Variants in SYK observed in about 807,000 individuals in gnomAD.
The protein encoded by SYK is tyrosine-protein kinase SYK.
Under a neutral mutation model 77.8 loss-of-function variants are expected in SYK, and 16 were observed. The observed-to-expected ratio is 0.21, with a 90% CI of 0.14 to 0.31. The LOEUF is 0.31. SYK is among the 10% of genes least tolerant of loss of function. The pLI is 1.00. For synonymous variants in SYK, 312 were observed against 308.7 expected (o/e 1.01, Z -0.11); for missense variants, 529 against 814.4 (o/e 0.65, Z 4.26).
chr9:90,860,747 G>A (rs1323379012), intron 3 of SYK, among the ~76,000 whole-genome samples: 1 of 152,092 alleles, frequency 6.6e-6, no homozygotes, highest in Admixed American at 6.5e-5. Flanking sequence ...TCAAGTCTTG[G>A]GTTAGCTTTT....
At chr9:90,867,034 C>A in intron 6 of SYK, 97 bp from the exon 7 acceptor site, 2 of 1,359,982 alleles carry the variant, frequency 1.5e-6, no homozygotes, top group Non-Finnish European at 1.0e-6. Flanking sequence ...GTTAGTGGTG[C>A]GATTATAGAA....
At position 90,881,753 on chromosome 9, in the gene SYK, A is replaced by G. The variant is rs72729077; in HGVS notation, c.1581+2800A>G. On this transcript the variant is annotated intron_variant, in intron 11 of 13. Coordinates refer to ENST00000375754, the MANE Select transcript of SYK (RefSeq NM_003177.7). Reference sequence around the variant, plus strand: ...GCTGTGGAAGCAAACGAACGCTGGCACTCGGGAAACCATGCGTGACAGGGT... The same window carrying G: ...GCTGTGGAAGCAAACGAACGCTGGCGCTCGGGAAACCATGCGTGACAGGGT... 6.1e-3 allele frequency among the ~76,000 whole-genome samples: 927 copies of G among 152,032 alleles called. 10 individuals are homozygous for G. Among genetic ancestry groups the G allele is most frequent in the East Asian group, 0.041 (212 of 5,168 alleles).
Position 90,801,828 on chromosome 9 carries a change from G to A in SYK, c.-107G>A, listed in dbSNP as rs938729252. ...CCCGGCGGCTGAGGCCACCCCGGCG[G>A]CGGCTGGAGAGCGAGGAGGAGCGGG... On this transcript the variant is annotated 5_prime_UTR_variant, in exon 1 of 14. Coordinates refer to ENST00000375754, the MANE Select transcript of SYK (RefSeq NM_003177.7). 2.8e-4 allele frequency: 42 copies of A among 152,398 alleles called. No homozygotes were observed. Among genetic ancestry groups the A allele is most frequent in the African/African-American group, 1.0e-3 (42 of 41,472 alleles). 9.4% of individuals were successfully genotyped at this position (152,398 alleles called of 1,614,324 possible).
chr9:90,858,665 A>G (rs1028620027), intron 3 of SYK, among the ~76,000 whole-genome samples: 1 of 152,350 alleles, frequency 6.6e-6, no homozygotes, highest in Admixed American at 6.5e-5. Context: ...TTTGTCTCCT[A>G]TGTTTAATTA....
chr9:90,871,861 T>C (rs1448289619), intron 7 of SYK, among the ~76,000 whole-genome samples: 1 of 152,178 alleles, frequency 6.6e-6, no homozygotes, highest in Non-Finnish European at 1.5e-5. Flanking sequence ...TAGTGGTCTG[T>C]GTTGGGCAGC....
intron 11 of SYK, among the ~76,000 whole-genome samples, chr9:90,879,770 G>A (rs1185801998): frequency 1.3e-5 from 2 of 152,174 alleles, no homozygotes; most frequent in Admixed American, 1.3e-4. Flanking sequence ...ATTAAGGGTG[G>A]ACTTCCAGCA....
At chr9:90,845,957 A>G (rs1398735957) in intron 3 of SYK, among the ~76,000 whole-genome samples, 1 of 152,204 alleles carries the variant, frequency 6.6e-6, no homozygotes, top group African/African-American at 2.4e-5. Context: ...TTTTACTCAA[A>G]CTACCCCCTT....
chr9:90,806,858 A>G (rs1824858356), intron 1 of SYK, among the ~76,000 whole-genome samples: 1 of 152,138 alleles, frequency 6.6e-6, no homozygotes, highest in African/African-American at 2.4e-5. Context: ...TGTATTATAT[A>G]CGACACCAAC....
At chr9:90,845,706 A>G (rs1052068957) in intron 3 of SYK, 112 bp downstream of exon 3, 1 of 1,290,646 alleles carries the variant, frequency 7.7e-7, no homozygotes, top group Non-Finnish European at 1.1e-6. Context: ...GAGGCCATGC[A>G]TTGCCATTTG....
intron 1 of SYK, among the ~76,000 whole-genome samples, chr9:90,827,122 G>A (rs923746553): frequency 1.3e-5 from 2 of 151,662 alleles, no homozygotes; most frequent in African/African-American, 4.8e-5. Context: ...GGAAAACCTC[G>A]CTATACCCAT....
chr9:90,883,527 G>C (rs924468476), intron 11 of SYK, among the ~76,000 whole-genome samples: 1 of 152,160 alleles, frequency 6.6e-6, no homozygotes, highest in Admixed American at 6.5e-5. Context: ...TGCACCTATT[G>C]AGAGTGGCCC....
intron 13 of SYK, 113 bp downstream of exon 13, chr9:90,888,740 C>A: frequency 2.4e-6 from 2 of 823,640 alleles, no homozygotes; most frequent in African/African-American, 1.8e-5. Context: ...GGAATGTGCC[C>A]GCTTTCTAAA....
chr9:90,843,672 A>G (rs1826459024), intron 1 of SYK, among the ~76,000 whole-genome samples, 186 bp from the exon 2 acceptor site: 2 of 152,232 alleles, frequency 1.3e-5, no homozygotes, highest in Non-Finnish European at 2.9e-5. Context: ...GTTAGAAGGC[A>G]TGCTGAAAAC....
chr9:90,839,459 G>T (rs937208847), intron 1 of SYK, among the ~76,000 whole-genome samples: 1 of 152,060 alleles, frequency 6.6e-6, no homozygotes, highest in South Asian at 2.1e-4. Flanking sequence ...TGTCCCTGGC[G>T]TGTGCCTGGA....
intron 1 of SYK, among the ~76,000 whole-genome samples, chr9:90,822,066 G>T (rs1243986709): frequency 6.6e-6 from 1 of 152,204 alleles, no homozygotes; most frequent in Non-Finnish European, 1.5e-5. Context: ...TAACCCCTGA[G>T]AAGCGATGGG....
chr9:90,822,762 A>G (rs1236196590), intron 1 of SYK, among the ~76,000 whole-genome samples: 2 of 152,210 alleles, frequency 1.3e-5, no homozygotes, highest in Non-Finnish European at 2.9e-5. Context: ...AGCTTCAAGC[A>G]TTGCCTTCAG....
In SYK at chr9:90,862,314, C is replaced by G. The variant is rs199938327; in HGVS notation, c.687C>G (p.Pro229=). 1.2e-6 allele frequency: 2 copies of G among 1,614,094 alleles called. No homozygotes were observed. The highest frequency in any genetic ancestry group is 2.2e-5 in the East Asian group (1 of 44,868). The part of the protein sequence containing the change: ...DKDKTGKLSI[P]EGKKFDTLWQ... ...ACAAGACAGGGAAGCTCTCCATCCC[C>G]GAGGGAAAGAAGTTCGACACGCTCT... The change falls in exon 4 of 14, where the codon CCC becomes CCG. Residue 229 remains proline (P), a synonymous_variant. Transcript: ENST00000375754.
chr9:90,830,984 A>C (rs1456951627), intron 1 of SYK, among the ~76,000 whole-genome samples: 2 of 152,188 alleles, frequency 1.3e-5, no homozygotes, highest in African/African-American at 4.8e-5. Context: ...TCCTAGGCAC[A>C]TCTTAACAGG....
At chr9:90,882,693 C>T (rs929849422) in intron 11 of SYK, among the ~76,000 whole-genome samples, 1 of 152,208 alleles carries the variant, frequency 6.6e-6, no homozygotes, top group African/African-American at 2.4e-5. Flanking sequence ...ATATGCTCCT[C>T]CGTAGAGACG....
Sources: gnomAD v4.1 joint callset for allele counts (sites outside exome capture counted in the v4.1 genomes callset) on GRCh38, gnomAD v4.1.1 for gene constraint, MANE v1.5 for transcripts, NCBI Gene and HGNC (gene_info 2026-07-23, HGNC 2026-07-21) for gene names.